CAMTA1: variants seen among roughly 807,000 people sequenced by gnomAD.
The protein encoded by CAMTA1 is calmodulin-binding transcription activator 1.
In CAMTA1, 27 loss-of-function variants were observed where a neutral mutation model predicts 170.9. The ratio of observed to expected loss-of-function variants is 0.16; its 90% CI spans 0.12 to 0.22. The LOEUF (loss-of-function observed/expected upper bound fraction) is 0.22, where lower values mean the gene tolerates loss of function less well. CAMTA1 is among the 10% of genes least tolerant of loss of function. The pLI is 1.00. For synonymous variants in CAMTA1, 833 were observed against 891.5 expected, an observed-to-expected ratio of 0.93 and a Z score of 1.17; for missense variants, 1,619 against 2,217.2, an observed-to-expected ratio of 0.73 and a Z score of 5.42.
chr1:7,546,431 C>G (rs916285102), intron 6 of CAMTA1, among the ~76,000 whole-genome samples: 5 of 152,134 alleles, frequency 3.3e-5, no homozygotes, highest in Admixed American at 3.3e-4. Flanking sequence ...AATTCTGTGT[C>G]TTTGCTATTG....
intron 6 of CAMTA1, among the ~76,000 whole-genome samples, chr1:7,537,657 C>T (rs1220699253): frequency 2.0e-5 from 3 of 152,308 alleles, no homozygotes; most frequent in East Asian, 3.9e-4. Flanking sequence ...AGCTTCTCAG[C>T]CCGTCCTCAC....
chr1:7,623,266 T>TTGAATGAA (rs111828628), intron 6 of CAMTA1, among the ~76,000 whole-genome samples: 5 of 152,148 alleles, frequency 3.3e-5, no homozygotes, highest in Non-Finnish European at 5.9e-5. Context: ...AGCTAATCTG[T>TTGAATGAA]TGAATGAATG....
At chr1:6,845,737 C>A (rs540421326) in intron 3 of CAMTA1, among the ~76,000 whole-genome samples, 1 of 152,180 alleles carries the variant, frequency 6.6e-6, no homozygotes, top group South Asian at 2.1e-4. Context: ...AAAGCTAGAG[C>A]GTAGTAACTA....
intron 6 of CAMTA1, among the ~76,000 whole-genome samples, chr1:7,584,189 A>T (rs1314266376): frequency 6.6e-6 from 1 of 152,058 alleles, no homozygotes; most frequent in Non-Finnish European, 1.5e-5. Context: ...GGGCGCCATG[A>T]CTGTAGGTTC....
intron 5 of CAMTA1, among the ~76,000 whole-genome samples, chr1:7,351,761 TGCACTCGGA>T (rs2084690983): frequency 6.6e-6 from 1 of 152,208 alleles, no homozygotes; most frequent in African/African-American, 2.4e-5. Flanking sequence ...TAAAAGGCTC[TGCACTCGGA>T]GCTGTGCATA....
At chr1:7,453,751 G>A (rs541541824) in intron 5 of CAMTA1, among the ~76,000 whole-genome samples, 1 of 152,350 alleles carries the variant, frequency 6.6e-6, no homozygotes, top group Non-Finnish European at 1.5e-5. Flanking sequence ...CTGACCCTTA[G>A]GCAGAAGAAG....
chr1:7,138,859 G>A (rs1163815535), intron 4 of CAMTA1, among the ~76,000 whole-genome samples: 28 of 151,870 alleles, frequency 1.8e-4, no homozygotes. Context: ...GCTGGGTTTT[G>A]TGGTGTGTGC....
chr1:7,271,219 G>T (rs1337277596), intron 5 of CAMTA1, among the ~76,000 whole-genome samples: 1 of 152,108 alleles, frequency 6.6e-6, no homozygotes, highest in East Asian at 1.9e-4. Flanking sequence ...CTCTCTCTGT[G>T]AGCACAGACC....
chr1:7,608,821 CA>C (rs1445135139), intron 6 of CAMTA1, among the ~76,000 whole-genome samples: 1 of 152,102 alleles, frequency 6.6e-6, no homozygotes, highest in East Asian at 1.9e-4. Context: ...GGGAGGGCCC[CA>C]GGGGCCTCAG....
chr1:6,876,227 CTT>C (rs1162042231), intron 3 of CAMTA1, among the ~76,000 whole-genome samples: 1 of 151,670 alleles, frequency 6.6e-6, no homozygotes, highest in Non-Finnish European at 1.5e-5. Context: ...TCCCTCTTTC[CTT>C]GTTTTCTCTT....
chr1:7,420,458 A>C (rs1280313920), intron 5 of CAMTA1, among the ~76,000 whole-genome samples: 1 of 152,030 alleles, frequency 6.6e-6, no homozygotes, highest in East Asian at 1.9e-4. Context: ...CTGTATCCTC[A>C]GTGCCTACCA....
chr1:7,752,566 G>A lies in CAMTA1; in HGVS notation c.4958+33G>A, dbSNP rs755267775. The A allele has an allele frequency of 2.0e-6, 3 of 1,531,544 alleles. No homozygotes were observed. In the South Asian group the frequency reaches 3.7e-5, roughly 19 times the overall value. 94.9% of individuals were successfully genotyped at this position (1,531,544 alleles called of 1,614,324 possible). On this transcript the variant is annotated intron_variant, in intron 21 of 22. Transcript: ENST00000303635. ...AGTCCTTGTTTATACATTCTGCTCA[G>A]GGAGAATGATGAAGCAACCCTGACC... is the stretch of plus-strand genomic sequence containing the variant.
chr1:6,801,790 A>G (rs1019413103), intron 1 of CAMTA1, among the ~76,000 whole-genome samples: 19 of 151,868 alleles, frequency 1.3e-4, no homozygotes, highest in African/African-American at 4.6e-4. Context: ...GCTGTGCCTT[A>G]AATAAACTGT....
chr1:7,452,888 G>A (rs2092861133), intron 5 of CAMTA1, among the ~76,000 whole-genome samples: 1 of 152,234 alleles, frequency 6.6e-6, no homozygotes, highest in Non-Finnish European at 1.5e-5. Flanking sequence ...GAGTGGAATG[G>A]CTGGGTTGTA....
At chr1:7,270,673 C>T (rs185815875) in intron 5 of CAMTA1, among the ~76,000 whole-genome samples, 3 of 152,070 alleles carry the variant, frequency 2.0e-5, no homozygotes, top group East Asian at 1.9e-4. Flanking sequence ...CATAAAGGAA[C>T]GAGGAGCACT....
At chr1:7,235,777 A>C (rs1235596254) in intron 4 of CAMTA1, among the ~76,000 whole-genome samples, 1 of 152,188 alleles carries the variant, frequency 6.6e-6, no homozygotes, top group Non-Finnish European at 1.5e-5. Flanking sequence ...TAGGCCGACA[A>C]ATCTATCTAG....
At chr1:7,492,599 G>A (rs61369743) in intron 6 of CAMTA1, among the ~76,000 whole-genome samples, 25,872 of 146,026 alleles carry the variant, frequency 0.18, 3,182 homozygotes, top group East Asian at 0.58. Flanking sequence ...ACACACGCGT[G>A]CACACACACA....
intron 4 of CAMTA1, among the ~76,000 whole-genome samples, chr1:7,172,168 T>C (rs543179051): frequency 6.6e-6 from 1 of 152,304 alleles, no homozygotes; most frequent in East Asian, 1.9e-4. Context: ...CTTTTTTTTT[T>C]TGAGATGGAG....
At chr1:7,257,079 G>A (rs915549355) in intron 5 of CAMTA1, among the ~76,000 whole-genome samples, 4 of 150,214 alleles carry the variant, frequency 2.7e-5, no homozygotes, top group African/African-American at 1.0e-4. Context: ...CGCATGGCGG[G>A]GGCGGGGGTT....
Sources: allele counts gnomAD v4.1 joint callset (sites outside exome capture counted in the v4.1 genomes callset), GRCh38; gene constraint gnomAD v4.1.1; transcripts MANE v1.5; gene names NCBI Gene and HGNC (gene_info 2026-07-23, HGNC 2026-07-21).